The following PTPRS variants were observed in gnomAD, a reference collection of about 807,000 sequenced individuals.
The protein encoded by PTPRS is receptor-type tyrosine-protein phosphatase S.
In PTPRS, 63 loss-of-function variants were observed where a neutral mutation model predicts 215.3. The observed-to-expected ratio is 0.29, with a 90% CI of 0.24 to 0.36. The LOEUF (loss-of-function observed/expected upper bound fraction) is 0.36. Among genes scored for constraint, PTPRS ranks in the 10% least tolerant of loss-of-function variants. The pLI is 1.00. For synonymous variants in PTPRS, 1,404 were observed against 1,191.4 expected, an observed-to-expected ratio of 1.18 and a Z score of -3.68; for missense variants, 2,258 against 2,825.8, an observed-to-expected ratio of 0.80 and a Z score of 4.56.
chr19:5,254,170 G>A (rs1232924922), intron 9 of PTPRS, among the ~76,000 whole-genome samples: 1 of 152,198 alleles, frequency 6.6e-6, no homozygotes, highest in Non-Finnish European at 1.5e-5. Context: ...ACCCCTTTCT[G>A]CCATCTTTTG....
intron 11 of PTPRS, among the ~76,000 whole-genome samples, chr19:5,243,102 T>C (rs1268367765): frequency 3.3e-5 from 5 of 151,686 alleles, no homozygotes; most frequent in Non-Finnish European, 5.9e-5. Context: ...TACAGGCACA[T>C]GCCACCAAGC....
intron 24 of PTPRS, 124 bp downstream of exon 24, chr19:5,218,663 G>A: frequency 6.7e-7 from 1 of 1,497,758 alleles, no homozygotes; most frequent in Non-Finnish European, 9.3e-7. Context: ...CCAGGACCAA[G>A]TACAGCTACG....
chr19:5,222,581 G>A (rs1466353189), intron 18 of PTPRS, 108 bp downstream of exon 18: 2 of 1,254,636 alleles, frequency 1.6e-6, no homozygotes, highest in Non-Finnish European at 2.1e-6. Flanking sequence ...TGACCACGAG[G>A]AAGCAGAAAA....
rs572589402 is a variant in PTPRS at position 5,295,436 on chromosome 19, C to A, written c.-94-9202G>T. Among the ~76,000 whole-genome samples, 54 of 152,284 alleles carry A rather than the reference C, an allele frequency of 3.5e-4. No homozygotes were observed. Among genetic ancestry groups the A allele is most frequent in the African/African-American group, 1.3e-3 (53 of 41,570 alleles). ...TGCAGTTGGCAGGGGACACAGCCACCCCCGAGGGGCTGGGGGAGGTGGGCC... is the reference window on the plus strand; with the variant it reads ...TGCAGTTGGCAGGGGACACAGCCACACCCGAGGGGCTGGGGGAGGTGGGCC... On this transcript the variant is annotated intron_variant, in intron 1 of 37. Coordinates refer to ENST00000262963, the MANE Select transcript of PTPRS (RefSeq NM_002850.4). The surrounding 1 kb of genome is among the most constrained non-coding windows in gnomAD (Gnocchi z 4.6).
At chr19:5,319,133 CG>C (rs2049957881) in intron 1 of PTPRS, among the ~76,000 whole-genome samples, 1 of 152,144 alleles carries the variant, frequency 6.6e-6, no homozygotes, top group South Asian at 2.1e-4. Context: ...ATCCCAAGGC[CG>C]GGCGCAGTGG....
At chr19:5,259,585 A>G (rs2045829908) in intron 7 of PTPRS, among the ~76,000 whole-genome samples, 1 of 152,176 alleles carries the variant, frequency 6.6e-6, no homozygotes, top group Non-Finnish European at 1.5e-5. Flanking sequence ...CAAAGTCCTT[A>G]TTTTCATAAG....
chr19:5,293,080 G>T lies in PTPRS; in HGVS notation c.-94-6846C>A, dbSNP rs879800003. ...TCGGAGCCTGGAGGGGGCGCGACAA[G>T]AGAGACAAAGCCCGGGGCGGCCCGG... On this transcript the variant is annotated intron_variant, in intron 1 of 37. Transcript: ENST00000262963. This position sits in a 1 kb window ranked among gnomAD's most constrained non-coding sequence, Gnocchi z 8.4. 2.0e-5 allele frequency: 3 copies of T among 151,828 alleles called. No individual in the cohort carries two copies. Among genetic ancestry groups the T allele is most frequent in the Non-Finnish European group, 2.9e-5 (2 of 67,858 alleles). The allele number at this position is 151,828 out of a possible 1,614,324, so 9.4% of individuals were successfully genotyped here. A position where few individuals can be genotyped will look rare whatever the true frequency, so the allele number is the denominator to read the frequency against.
chr19:5,295,406 G>A lies in PTPRS; in HGVS notation c.-94-9172C>T, dbSNP rs372843596. ...AGACTCTTGCCCCTATTCCACAGTG[G>A]TGACTGCAGTTGGCAGGGGACACAG... On this transcript the variant is annotated intron_variant, in intron 1 of 37. Coordinates refer to ENST00000262963, the MANE Select transcript of PTPRS (RefSeq NM_002850.4). The surrounding 1 kb of genome is among the most constrained non-coding windows in gnomAD (Gnocchi z 4.6). Among the ~76,000 whole-genome samples, 1 of 152,172 alleles carries A rather than the reference G, an allele frequency of 6.6e-6. No homozygotes were observed. The highest frequency in any genetic ancestry group is 1.5e-5 in the Non-Finnish European group (1 of 68,028).
intron 4 of PTPRS, among the ~76,000 whole-genome samples, chr19:5,267,979 T>C (rs1203224478): frequency 2.6e-5 from 4 of 151,784 alleles, no homozygotes; most frequent in African/African-American, 4.8e-5. Context: ...ACCATCCTGG[T>C]GAACATGGTG....
chr19:5,267,135 T>G (rs2046460614), intron 4 of PTPRS, among the ~76,000 whole-genome samples: 1 of 150,468 alleles, frequency 6.6e-6, no homozygotes, highest in African/African-American at 2.4e-5. Context: ...GCACCAGGTC[T>G]CCAGCGCTCG....
intron 1 of PTPRS, among the ~76,000 whole-genome samples, chr19:5,320,250 C>T (rs1568612947): frequency 6.6e-6 from 1 of 152,026 alleles, no homozygotes; most frequent in Non-Finnish European, 1.5e-5. Context: ...AGCCAGTGCC[C>T]GTGGCCTTGG....
In PTPRS at chr19:5,215,379, G is replaced by A; in HGVS notation, c.4228C>T (p.His1410Tyr). 6.2e-7 allele frequency: 1 copy of A among 1,614,112 alleles called. No individual in the cohort carries two copies. The highest frequency in any genetic ancestry group is 8.5e-7 in the Non-Finnish European group (1 of 1,180,018). ...GGCTTGTTCACTTCCAGGTTGGAAT[G>A]TTCCCATGTGAACTGCTGTCCAGGG... The part of the protein sequence containing the change: ...IDPGQQFTWE[H>Y]SNLEVNKPKN... The change falls in exon 28 of 38, where the codon CAT becomes TAT. Residue 1410 changes from histidine (H) to tyrosine (Y), a missense_variant. This residue lies in a region of PTPRS where 927 missense variants were observed against 1,125.9 expected (regional missense o/e 0.82). Transcript: ENST00000262963.
rs1024188374 is a variant in PTPRS at position 5,223,372 on chromosome 19, T to G, written c.2495-75A>C. The G allele has an allele frequency of 3.6e-6, 5 of 1,371,686 alleles. No individual in the cohort carries two copies. The African/African-American group carries it at 6.1e-5, about 17-fold the overall frequency. The allele number at this position is 1,371,686 out of a possible 1,614,324, so 85.0% of individuals were successfully genotyped here. On this transcript the variant is annotated intron_variant, in intron 17 of 37. Transcript: ENST00000262963. Reference sequence around the variant, plus strand: ...CAGAGGCACAAGGTGGGGTTGTATTTTTAATTCTTTTCCTTCAATATAACA... The same window carrying G: ...CAGAGGCACAAGGTGGGGTTGTATTGTTAATTCTTTTCCTTCAATATAACA...
At chr19:5,216,801 T>C in intron 25 of PTPRS, 34 bp from the exon 26 acceptor site, 5 of 1,461,082 alleles carry the variant, frequency 3.4e-6, no homozygotes, top group South Asian at 1.2e-5. Context: ...AATGAAAACA[T>C]GCAGGGGGTA....
At chr19:5,225,545 G>A (rs530624800) in intron 17 of PTPRS, among the ~76,000 whole-genome samples, 182 bp downstream of exon 17, 23 of 123,074 alleles carry the variant, frequency 1.9e-4, no homozygotes, top group South Asian at 7.1e-4. Context: ...AGGCAGGGGC[G>A]GGGGGGGCCA....
chr19:5,299,132 G>C (rs1223920993), intron 1 of PTPRS, among the ~76,000 whole-genome samples: 1 of 152,080 alleles, frequency 6.6e-6, no homozygotes, highest in Non-Finnish European at 1.5e-5. Flanking sequence ...CATGGTGCCG[G>C]TGTGCACCTG....
intron 6 of PTPRS, among the ~76,000 whole-genome samples, chr19:5,262,198 C>T (rs965140319): frequency 3.9e-5 from 6 of 152,096 alleles, no homozygotes; most frequent in African/African-American, 7.2e-5. Context: ...TTGCTTGAAT[C>T]GGGGACGTGG....
chr19:5,215,843 G>A (rs1224260296), intron 26 of PTPRS, among the ~76,000 whole-genome samples: 3 of 152,152 alleles, frequency 2.0e-5, no homozygotes, highest in African/African-American at 7.2e-5. Context: ...TGACACCCCT[G>A]GAGGGGCCTG....
intron 3 of PTPRS, among the ~76,000 whole-genome samples, 196 bp from the exon 4 acceptor site, chr19:5,273,779 T>C (rs966025958): frequency 6.6e-6 from 1 of 151,988 alleles, no homozygotes; most frequent in African/African-American, 2.4e-5. Context: ...AGGGACCAGA[T>C]TTGGGTACAT....
Sources: allele counts gnomAD v4.1 joint callset (sites outside exome capture counted in the v4.1 genomes callset), GRCh38; gene constraint gnomAD v4.1.1; regional missense constraint gnomAD v4.1.1; non-coding constraint Gnocchi (gnomAD v3.1); transcripts MANE v1.5; gene names NCBI Gene and HGNC (gene_info 2026-07-23, HGNC 2026-07-21).